TDRP: variants seen among roughly 807,000 people sequenced by gnomAD.
TDRP encodes testis development related protein.
In TDRP, 12 loss-of-function variants were observed where a neutral mutation model predicts 10.5. That is an observed-to-expected ratio of 1.15 (90% CI 0.73 to 1.86). The LOEUF is 1.86. Among genes scored for constraint, TDRP ranks in the 40% most tolerant of loss-of-function variants. The pLI, the probability that TDRP is intolerant of heterozygous loss-of-function variation, is 0.00. For missense variants in TDRP, 353 were observed against 229.2 expected (o/e 1.54, Z -3.49); for synonymous variants, 139 against 95.4 (o/e 1.46, Z -2.67).
At chr8:517,400 C>A (rs562956116) in intron 1 of TDRP, among the ~76,000 whole-genome samples, 2 of 152,178 alleles carry the variant, frequency 1.3e-5, no homozygotes, top group African/African-American at 4.8e-5. Flanking sequence ...CATCTGACAC[C>A]GTTTAAGGTC....
intron 1 of TDRP, among the ~76,000 whole-genome samples, chr8:536,244 G>A (rs1459656462): frequency 1.3e-5 from 2 of 152,162 alleles, no homozygotes; most frequent in Non-Finnish European, 2.9e-5. Flanking sequence ...ATTGCTTGAG[G>A]AATTCCACAG....
chr8:544,055 T>C (rs1053803287), intron 1 of TDRP, among the ~76,000 whole-genome samples: 1 of 152,122 alleles, frequency 6.6e-6, no homozygotes, highest in African/African-American at 2.4e-5. Flanking sequence ...CCTTTCAGTT[T>C]TCAGTACAAA....
intron 1 of TDRP, 137 bp from the exon 2 acceptor site, chr8:494,734 C>A: frequency 1.4e-6 from 1 of 713,010 alleles, no homozygotes; most frequent in South Asian, 1.8e-5. Context: ...CATACCTGTG[C>A]GCACATAGTT....
intron 1 of TDRP, among the ~76,000 whole-genome samples, chr8:524,352 ATAC>A (rs1801982882): frequency 6.6e-6 from 1 of 152,214 alleles, no homozygotes; most frequent in Non-Finnish European, 1.5e-5. Context: ...CAAACTGCAT[ATAC>A]TACAATAAAT....
At chr8:504,084 C>T (rs539621332) in intron 1 of TDRP, among the ~76,000 whole-genome samples, 6 of 152,122 alleles carry the variant, frequency 3.9e-5, no homozygotes, top group East Asian at 1.9e-4. Flanking sequence ...AGCACCAACA[C>T]GGAATCCAGA....
At chr8:500,349 G>C (rs779231149) in intron 1 of TDRP, among the ~76,000 whole-genome samples, 1 of 152,156 alleles carries the variant, frequency 6.6e-6, no homozygotes, top group Non-Finnish European at 1.5e-5. Context: ...CCTCTGGCTG[G>C]CATTGAATAC....
chr8:534,004 T>C (rs1018033568), intron 1 of TDRP, among the ~76,000 whole-genome samples: 2 of 152,342 alleles, frequency 1.3e-5, no homozygotes, highest in African/African-American at 4.8e-5. Flanking sequence ...TATCAGTGCT[T>C]TCAAAAGGCA....
Position 517,737 on chromosome 8 carries a change from T to A in TDRP, c.109-23140A>T, listed in dbSNP as rs1265257690. Among the ~76,000 whole-genome samples the A allele has an allele frequency of 2.0e-5, 3 of 152,218 alleles. No individual in the cohort carries two copies. The East Asian group carries it at 5.8e-4, about 29-fold the overall frequency. ...CAACCTTGGGTACATGTTCTCAAGA[T>A]CACCTGAGGCTATACAGCAAAATTG... On this transcript the variant is annotated intron_variant, in intron 1 of 2. Coordinates refer to ENST00000324079, the MANE Select transcript of TDRP (RefSeq NM_001384899.1).
intron 1 of TDRP, among the ~76,000 whole-genome samples, chr8:511,642 A>G (rs1234059865): frequency 6.6e-6 from 1 of 152,230 alleles, no homozygotes; most frequent in Non-Finnish European, 1.5e-5. Context: ...TAGAATGTAC[A>G]TTCTTCTCAA....
intron 1 of TDRP, among the ~76,000 whole-genome samples, chr8:496,851 A>C (rs765806594): frequency 6.6e-6 from 1 of 152,170 alleles, no homozygotes; most frequent in African/African-American, 2.4e-5. Flanking sequence ...GATCATTTAA[A>C]AGTGTGTGGC....
upstream of TDRP, chr8:545,751 G>A (rs1172478058): frequency 6.6e-6 from 1 of 152,096 alleles, no homozygotes; most frequent in Non-Finnish European, 1.5e-5. Context: ...GGGCCGCTGG[G>A]GCCTGGGGCG....
intron 1 of TDRP, among the ~76,000 whole-genome samples, chr8:537,277 C>G (rs1342207252): frequency 6.6e-6 from 1 of 152,140 alleles, no homozygotes; most frequent in Non-Finnish European, 1.5e-5. Flanking sequence ...TTGTGATGTC[C>G]GAATGCCTGT....
chr8:524,323 G>C (rs568490957), intron 1 of TDRP, among the ~76,000 whole-genome samples: 6 of 152,282 alleles, frequency 3.9e-5, no homozygotes, highest in Non-Finnish European at 8.8e-5. Context: ...TTCCCAAGAA[G>C]GATGGGTACA....
At chr8:544,207 T>C (rs1802574997) in intron 1 of TDRP, among the ~76,000 whole-genome samples, 2 of 152,072 alleles carry the variant, frequency 1.3e-5, no homozygotes, top group African/African-American at 4.8e-5. Context: ...GGATGCGCGA[T>C]GATTCAGGCC....
At position 544,718 on chromosome 8, in the gene TDRP, G is replaced by T. The variant is rs534792489; in HGVS notation, c.40C>A (p.Pro14Thr). Residue 14 changes from proline (P) to threonine (T), a missense_variant, in exon 1 of 3, where the codon CCC becomes ACC. Transcript: ENST00000324079. The part of the protein sequence containing the change: ...LGRGRVLLDE[P>T]PEEEDGLRGG... ...CGCAGGCCGTCCTCCTCCTCGGGGG[G>T]CTCGTCCAGCAGCACTCGGCCCCGG... 32 of 1,244,354 alleles carry T rather than the reference G, an allele frequency of 2.6e-5. No homozygotes were observed. The highest frequency in any genetic ancestry group is 2.6e-5 in the Non-Finnish European group (26 of 994,036). 77.1% of individuals were successfully genotyped at this position (1,244,354 alleles called of 1,614,324 possible). A position where few individuals can be genotyped will look rare whatever the true frequency, so the allele number is the denominator to read the frequency against.
At chr8:498,526 T>A (rs145362044) in intron 1 of TDRP, among the ~76,000 whole-genome samples, 1 of 152,232 alleles carries the variant, frequency 6.6e-6, no homozygotes, top group African/African-American at 2.4e-5. Flanking sequence ...TACAGGCTTA[T>A]AGGCAGAAGG....
intron 1 of TDRP, 34 bp from the exon 2 acceptor site, chr8:494,631 T>C (rs778253278): frequency 5.7e-6 from 9 of 1,583,494 alleles, no homozygotes; most frequent in African/African-American, 2.7e-5. Context: ...TCAAATCTGA[T>C]GTCATGAATC....
At chr8:508,543 T>G (rs756484822) in intron 1 of TDRP, among the ~76,000 whole-genome samples, 5 of 152,160 alleles carry the variant, frequency 3.3e-5, no homozygotes, top group Non-Finnish European at 5.9e-5. Context: ...TCAGATCTCA[T>G]GAGAACTCAC....
chr8:498,556 G>A (rs1228220571), intron 1 of TDRP, among the ~76,000 whole-genome samples: 1 of 152,150 alleles, frequency 6.6e-6, no homozygotes, highest in Non-Finnish European at 1.5e-5. Context: ...TGTCTTAGAT[G>A]AGACTACTTA....
Sources: allele counts gnomAD v4.1 joint callset (sites outside exome capture counted in the v4.1 genomes callset), GRCh38; gene constraint gnomAD v4.1.1; transcripts MANE v1.5; gene names NCBI Gene and HGNC (gene_info 2026-07-23, HGNC 2026-07-21).